The following SPTAN1 variants were observed in gnomAD, a reference collection of about 807,000 sequenced individuals.
SPTAN1 encodes spectrin alpha, non-erythrocytic 1.
In SPTAN1, 61 loss-of-function variants were observed where a neutral mutation model predicts 331.3. The observed-to-expected ratio is 0.18, with a 90% confidence interval of 0.15 to 0.23. SPTAN1 has a LOEUF of 0.23. Among genes scored for constraint, SPTAN1 ranks in the 10% least tolerant of loss-of-function variants. The probability of loss-of-function intolerance (pLI) is 1.00; values close to 1 mark genes in which losing one functional copy is unlikely to be tolerated. For missense variants in SPTAN1, 2,043 were observed against 3,147.9 expected, an observed-to-expected ratio of 0.65 and a Z score of 8.40; for synonymous variants, 1,153 against 1,173.9, an observed-to-expected ratio of 0.98 and a Z score of 0.36.
intron 51 of SPTAN1, chr9:128,628,521 G>A (rs778612773): frequency 7.3e-5 from 20 of 272,672 alleles, no homozygotes; most frequent in Non-Finnish European, 1.2e-4. Context: ...TAGACAGGAC[G>A]TGGGAGGAGC....
intron 1 of SPTAN1, among the ~76,000 whole-genome samples, chr9:128,562,788 C>A (rs184535963): frequency 8.3e-4 from 126 of 151,690 alleles, no homozygotes; most frequent in African/African-American, 2.8e-3. Context: ...CACGGTGAAA[C>A]GCCATCTCTA....
In SPTAN1 at chr9:128,627,505, G is replaced by T. The variant is rs1334929037; in HGVS notation, c.6689+7G>T. 2 of 1,549,550 alleles carry T rather than the reference G, an allele frequency of 1.3e-6. No homozygotes were observed. Among genetic ancestry groups the T allele is most frequent in the African/African-American group, 2.7e-5 (2 of 73,024 alleles). On this transcript the variant is annotated splice_region_variant and intron_variant, in intron 50 of 56. Transcript: ENST00000372739. This position sits in a 1 kb window ranked among gnomAD's most constrained non-coding sequence, Gnocchi z 4.9. ...AGTGGATCCAAGAGACCAGGTGCCA[G>T]CCCGCTGGGGCCGGGGAGCAGCAGC...
intron 52 of SPTAN1, among the ~76,000 whole-genome samples, chr9:128,631,252 G>T (rs1859676092): frequency 6.7e-6 from 1 of 149,712 alleles, no homozygotes; most frequent in Admixed American, 6.7e-5. Flanking sequence ...GAAGTCAGGA[G>T]TTCGAGACCA....
intron 26 of SPTAN1, chr9:128,599,559 G>GCTCCA (rs1854783327): frequency 5.8e-6 from 1 of 173,660 alleles, no homozygotes; most frequent in Non-Finnish European, 1.2e-5. Flanking sequence ...CCAGACTGGA[G>GCTCCA]GTCAGTGGCT....
intron 46 of SPTAN1, 98 bp downstream of exon 46, chr9:128,624,585 A>C: frequency 6.9e-7 from 1 of 1,448,784 alleles, no homozygotes; most frequent in Non-Finnish European, 9.4e-7. Context: ...AAACTGATCA[A>C]TTGTGGGCAT....
At chr9:128,583,379 G>A in intron 15 of SPTAN1, 98 bp downstream of exon 15, 1 of 1,242,660 alleles carries the variant, frequency 8.0e-7, no homozygotes, top group Non-Finnish European at 1.2e-6. Context: ...CAAGAAAGGT[G>A]AGGTGGATGA....
At chr9:128,594,012 G>T (rs1307557582) in intron 23 of SPTAN1, 163 bp from the exon 24 acceptor site, 1 of 721,048 alleles carries the variant, frequency 1.4e-6, no homozygotes, top group East Asian at 2.7e-5. Context: ...TGGGTACTTG[G>T]GATCCTCGTC....
chr9:128,609,897 A>G (rs1856382390), intron 37 of SPTAN1, among the ~76,000 whole-genome samples: 1 of 152,102 alleles, frequency 6.6e-6, no homozygotes, highest in African/African-American at 2.4e-5. Context: ...CCAGTTTATC[A>G]CTTAGGCAAA....
chr9:128,624,318 C>T lies in SPTAN1; in HGVS notation c.5833-10C>T, dbSNP rs1389531374. The T allele has an allele frequency of 1.7e-5, 28 of 1,613,640 alleles. No homozygotes were observed. In the Admixed American group the frequency reaches 4.7e-4, roughly 27 times the overall value. ...AGGCTGACCAGTGTGTGCCTCTCTCCATGGCCTAGAACAATCACCATGAGG... is the reference window on the plus strand; with the variant it reads ...AGGCTGACCAGTGTGTGCCTCTCTCTATGGCCTAGAACAATCACCATGAGG... On this transcript the variant is annotated splice_polypyrimidine_tract_variant and intron_variant, in intron 45 of 56. Coordinates refer to ENST00000372739, the MANE Select transcript of SPTAN1 (RefSeq NM_001130438.3).
chr9:128,579,430 T>C (rs1180404631), intron 9 of SPTAN1, among the ~76,000 whole-genome samples: 1 of 152,182 alleles, frequency 6.6e-6, no homozygotes, highest in African/African-American at 2.4e-5. Context: ...TGAAAAGCCA[T>C]TTGGAAAGGA....
chr9:128,584,549 G>T (rs758806011), intron 17 of SPTAN1, 24 bp downstream of exon 17: 5 of 1,614,024 alleles, frequency 3.1e-6, no homozygotes, highest in Non-Finnish European at 4.2e-6. Context: ...CCTCAGGTAG[G>T]AATCAACTTG....
At chr9:128,567,400 T>G (rs979979393) in intron 2 of SPTAN1, among the ~76,000 whole-genome samples, 2 of 152,238 alleles carry the variant, frequency 1.3e-5, no homozygotes, top group African/African-American at 4.8e-5. Context: ...CGAGTGATTC[T>G]CCAGCCTCAG....
chr9:128,616,777 T>G (rs139355278), intron 41 of SPTAN1, among the ~76,000 whole-genome samples: 196 of 151,386 alleles, frequency 1.3e-3, no homozygotes, highest in African/African-American at 4.4e-3. Context: ...AATAAAAATA[T>G]AAAAATTAGC....
Position 128,600,087 on chromosome 9 carries a change from C to T in SPTAN1, c.3551C>T (p.Thr1184Ile), listed in dbSNP as rs530473527. Residue 1184 changes from threonine (T) to isoleucine (I), a missense_variant, in exon 27 of 57, where the codon ACT becomes ATT. Coordinates refer to ENST00000372739, the MANE Select transcript of SPTAN1 (RefSeq NM_001130438.3). ...EVYGMMPRDE[T>I]DSKTASPWKS... ...TCCTCTTTCTTTGAATAGGATGAAA[C>T]TGATTCCAAGACAGCCTCCCCGTGG... 9 of 1,614,192 alleles carry T rather than the reference C, an allele frequency of 5.6e-6. No individual in the cohort carries two copies. The South Asian group carries it at 9.9e-5, about 18-fold the overall frequency.
intron 1 of SPTAN1, among the ~76,000 whole-genome samples, chr9:128,558,448 G>T (rs545860528): frequency 6.6e-6 from 1 of 152,174 alleles, no homozygotes; most frequent in South Asian, 2.1e-4. Flanking sequence ...CCCTCCTTCA[G>T]TCTCTATGTG....
At chr9:128,628,755 G>T (rs571852822) in intron 51 of SPTAN1, 186 of 190,384 alleles carry the variant, frequency 9.8e-4, no homozygotes, top group African/African-American at 4.2e-3. Context: ...CCATCCAGCC[G>T]GGCCACACAT....
In SPTAN1 at chr9:128,594,369, A is replaced by G. The variant is rs1853930655; in HGVS notation, c.3410A>G (p.Gln1137Arg). ...EVLQKKFDDFQKDLKANESRL... is the reference protein window; with the variant it reads ...EVLQKKFDDFRKDLKANESRL... ...CTCCAGAAGAAGTTTGATGACTTCC[A>G]GAAGGTATGGGCAGTCTTCAGGCTC... The change falls in exon 24 of 57, where the codon CAG becomes CGG. Residue 1137 changes from glutamine (Q) to arginine (R), a missense_variant. Physicochemically the swap from Gln to Arg is conservative, Grantham distance 43 (BLOSUM62 1). This residue lies in a region of SPTAN1 where 1,038 missense variants were observed against 1,531.5 expected (regional missense o/e 0.68). Coordinates refer to ENST00000372739, the MANE Select transcript of SPTAN1 (RefSeq NM_001130438.3). 3 of 1,613,596 alleles carry G rather than the reference A, an allele frequency of 1.9e-6. No homozygotes were observed. The highest frequency in any genetic ancestry group is 2.2e-5 in the East Asian group (1 of 44,884).
intron 3 of SPTAN1, among the ~76,000 whole-genome samples, chr9:128,570,082 T>A (rs1360485135): frequency 6.6e-6 from 1 of 152,022 alleles, no homozygotes; most frequent in African/African-American, 2.4e-5. Flanking sequence ...TTATATACAG[T>A]CTTAGAGTAA....
At chr9:128,571,645 G>A (rs1235472860) in intron 3 of SPTAN1, among the ~76,000 whole-genome samples, 1 of 152,154 alleles carries the variant, frequency 6.6e-6, no homozygotes, top group Non-Finnish European at 1.5e-5. Flanking sequence ...TTGTTGAGTA[G>A]GTATTAGGAG....
Sources: allele counts gnomAD v4.1 joint callset (sites outside exome capture counted in the v4.1 genomes callset), GRCh38; gene constraint gnomAD v4.1.1; regional missense constraint gnomAD v4.1.1; non-coding constraint Gnocchi (gnomAD v3.1); transcripts MANE v1.5; gene names NCBI Gene and HGNC (gene_info 2026-07-23, HGNC 2026-07-21).